CELF4: variants seen among roughly 807,000 people sequenced by gnomAD.
CELF4 encodes the protein CUGBP Elav-like family member 4, also known as CUG-BP- and ETR-3-like factor 4.
CELF4 carries 18 observed loss-of-function variants against 59.9 expected under a neutral mutation model. That is an observed-to-expected ratio of 0.30 (90% confidence interval 0.21 to 0.45). The LOEUF (loss-of-function observed/expected upper bound fraction) is 0.45. Ranked by LOEUF, CELF4 falls within the 20% of genes least tolerant of loss-of-function variation. CELF4 has a pLI of 1.00. For synonymous variants in CELF4, 261 were observed against 267.1 expected, an observed-to-expected ratio of 0.98 and a Z score of 0.22; for missense variants, 456 against 689.0, an observed-to-expected ratio of 0.66 and a Z score of 3.79.
At chr18:37,397,930 T>C (rs1321126651) in intron 2 of CELF4, among the ~76,000 whole-genome samples, 3 of 152,050 alleles carry the variant, frequency 2.0e-5, no homozygotes, top group African/African-American at 7.2e-5. Context: ...CAACACAAGG[T>C]CATCTCTGCT....
chr18:37,261,066 A>C (rs1600778455), intron 10 of CELF4, among the ~76,000 whole-genome samples: 2 of 149,878 alleles, frequency 1.3e-5, no homozygotes, highest in African/African-American at 2.5e-5. Context: ...AGCTCCCCAT[A>C]CCCTCCCTCT....
intron 2 of CELF4, among the ~76,000 whole-genome samples, chr18:37,374,366 C>G (rs879939176): frequency 6.6e-6 from 1 of 152,188 alleles, no homozygotes; most frequent in Non-Finnish European, 1.5e-5. Flanking sequence ...TGCAGCTCAT[C>G]TCCACTCTGA....
At chr18:37,431,593 TCTC>T (rs1225666660) in intron 2 of CELF4, among the ~76,000 whole-genome samples, 1 of 152,096 alleles carries the variant, frequency 6.6e-6, no homozygotes, top group East Asian at 1.9e-4. Context: ...ATGGTCTTGA[TCTC>T]CTGACCTCGT....
At chr18:37,495,766 C>T (rs1040866402) in intron 1 of CELF4, among the ~76,000 whole-genome samples, 3 of 151,966 alleles carry the variant, frequency 2.0e-5, no homozygotes, top group Non-Finnish European at 4.4e-5. Flanking sequence ...CTGAAGTCCC[C>T]ATCCCTATCC....
chr18:37,556,521 T>C (rs755624030), intron 1 of CELF4, among the ~76,000 whole-genome samples: 1 of 152,184 alleles, frequency 6.6e-6, no homozygotes, highest in Non-Finnish European at 1.5e-5. Context: ...GAAGGCATGC[T>C]TTTTGTGCTT....
chr18:37,253,694 G>A lies in CELF4; in HGVS notation c.*44+73C>T, dbSNP rs2067024810. On this transcript the variant is annotated intron_variant, in intron 12 of 12. Transcript: ENST00000420428. The surrounding 1 kb of genome is among the most constrained non-coding windows in gnomAD (Gnocchi z 4.5). ...CACCAGTGAGGGTCCGGCCCACGGA[G>A]GCCGGAGGAGGCGGCGGGTCCGTCT... 9 of 1,207,572 alleles carry A rather than the reference G, an allele frequency of 7.5e-6. No homozygotes were observed. The highest frequency in any genetic ancestry group is 8.9e-6 in the Non-Finnish European group (8 of 895,030). The allele number at this position is 1,207,572 out of a possible 1,614,324, so 74.8% of individuals were successfully genotyped here. A position where few individuals can be genotyped will look rare whatever the true frequency, so the allele number is the denominator to read the frequency against.
At chr18:37,502,134 G>A (rs533182671) in intron 1 of CELF4, among the ~76,000 whole-genome samples, 34 of 152,200 alleles carry the variant, frequency 2.2e-4, no homozygotes, top group African/African-American at 6.7e-4. Flanking sequence ...GTTGAGATGC[G>A]CACTCTGGAA....
At chr18:37,551,278 C>T (rs1309945079) in intron 1 of CELF4, among the ~76,000 whole-genome samples, 7 of 152,146 alleles carry the variant, frequency 4.6e-5, no homozygotes, top group Admixed American at 4.6e-4. Flanking sequence ...GAGGAATCTC[C>T]CTCCCCTAAA....
chr18:37,322,017 C>T (rs2097141036), intron 2 of CELF4, 136 bp from the exon 3 acceptor site: 2 of 594,744 alleles, frequency 3.4e-6, no homozygotes, highest in East Asian at 3.2e-5. Flanking sequence ...CATGCTGCTG[C>T]AAGCACACAC....
At chr18:37,560,996 T>A (rs766477038) in intron 1 of CELF4, among the ~76,000 whole-genome samples, 2 of 152,230 alleles carry the variant, frequency 1.3e-5, no homozygotes, top group Non-Finnish European at 2.9e-5. Context: ...CAAGGGGCTT[T>A]AGGCATTTCC....
intron 1 of CELF4, among the ~76,000 whole-genome samples, chr18:37,526,999 G>A (rs2099964644): frequency 1.3e-5 from 2 of 152,142 alleles, no homozygotes; most frequent in Non-Finnish European, 1.5e-5. Context: ...AGGAGCCTCT[G>A]CAGCTGTAAC....
intron 2 of CELF4, among the ~76,000 whole-genome samples, chr18:37,465,569 C>T (rs1015006683): frequency 6.6e-6 from 1 of 152,084 alleles, no homozygotes; most frequent in East Asian, 1.9e-4. Flanking sequence ...GTCTGCTTTG[C>T]TTGAAGACAG....
At chr18:37,539,472 AAC>A (rs33924254) in intron 1 of CELF4, among the ~76,000 whole-genome samples, 56,011 of 106,168 alleles carry the variant, frequency 0.53, 11,308 homozygotes, top group East Asian at 0.66. Context: ...CACACACACA[AAC>A]ACACACACAC....
At chr18:37,370,998 A>G (rs2098858891) in intron 2 of CELF4, among the ~76,000 whole-genome samples, 1 of 152,146 alleles carries the variant, frequency 6.6e-6, no homozygotes, top group South Asian at 2.1e-4. Context: ...GGAGCCTCCT[A>G]TTGAGCTGTC....
chr18:37,435,284 G>A (rs1569569405), intron 2 of CELF4, among the ~76,000 whole-genome samples: 1 of 152,132 alleles, frequency 6.6e-6, no homozygotes, highest in Non-Finnish European at 1.5e-5. Context: ...GGAGGCCCAG[G>A]GCTTGTTTGG....
intron 2 of CELF4, chr18:37,473,566 T>C (rs1050876076): frequency 2.0e-5 from 3 of 152,226 alleles, no homozygotes; most frequent in Non-Finnish European, 4.4e-5. Context: ...ACCATGTCAG[T>C]AGCTGGAATA....
chr18:37,270,520 C>A (rs1569379982), intron 8 of CELF4, among the ~76,000 whole-genome samples: 1 of 152,210 alleles, frequency 6.6e-6, no homozygotes. Context: ...CCTAAGGGAG[C>A]ACCTGGAATG....
intron 1 of CELF4, among the ~76,000 whole-genome samples, chr18:37,499,170 A>G (rs1035868489): frequency 1.3e-5 from 2 of 152,180 alleles, no homozygotes; most frequent in African/African-American, 4.8e-5. Flanking sequence ...CGGGGCTCAG[A>G]ACGACAGATG....
At chr18:37,483,650 A>C (rs1465023022) in intron 2 of CELF4, among the ~76,000 whole-genome samples, 1 of 152,186 alleles carries the variant, frequency 6.6e-6, no homozygotes, top group African/African-American at 2.4e-5. Flanking sequence ...AACAGTGTTA[A>C]TTATGGGTGG....
Sources: gnomAD v4.1 joint callset for allele counts (sites outside exome capture counted in the v4.1 genomes callset) on GRCh38, gnomAD v4.1.1 for gene constraint, Gnocchi (gnomAD v3.1) non-coding constraint, MANE v1.5 for transcripts, NCBI Gene and HGNC (gene_info 2026-07-23, HGNC 2026-07-21) for gene names.